Variants in RNF125 observed in about 807,000 individuals in gnomAD.
RNF125 encodes E3 ubiquitin-protein ligase RNF125.
Under a neutral mutation model 26.0 loss-of-function variants are expected in RNF125, and 21 were observed. The ratio of observed to expected loss-of-function variants is 0.81; its 90% CI spans 0.57 to 1.16. The LOEUF (loss-of-function observed/expected upper bound fraction) is 1.16. Ranked by LOEUF, RNF125 falls within the 50% of genes most tolerant of loss-of-function variation. The pLI is 0.00. For synonymous variants in RNF125, 95 were observed against 109.2 expected, an observed-to-expected ratio of 0.87 and a Z score of 0.81; for missense variants, 270 against 299.4, an observed-to-expected ratio of 0.90 and a Z score of 0.72.
rs1010437482 is a variant in RNF125, at chr18:32,070,221, A to G, written c.*1837A>G. The G allele has an allele frequency of 6.6e-6, 1 of 152,140 alleles. No homozygotes were observed. Among genetic ancestry groups the G allele is most frequent in the Admixed American group, 6.6e-5 (1 of 15,250 alleles). The allele number at this position is 152,140 out of a possible 1,614,324, so 9.4% of individuals were successfully genotyped here. A position where few individuals can be genotyped will look rare whatever the true frequency, so the allele number is the denominator to read the frequency against. On this transcript the variant is annotated 3_prime_UTR_variant, in exon 6 of 6. Transcript: ENST00000217740. ...ATGCCCGGCTAATTTTTGTATTTTTAGTAGAGGGGTTTCACCATAATGGTC... is the reference window on the plus strand; with the variant it reads ...ATGCCCGGCTAATTTTTGTATTTTTGGTAGAGGGGTTTCACCATAATGGTC...
intron 1 of RNF125, among the ~76,000 whole-genome samples, chr18:32,032,870 C>A (rs1298207278): frequency 7.2e-5 from 11 of 151,984 alleles, no homozygotes; most frequent in Non-Finnish European, 1.5e-4. Context: ...ACCAAAAAAA[C>A]CCAAAACAAA....
chr18:32,049,213 T>G (rs1457568237), intron 4 of RNF125, among the ~76,000 whole-genome samples: 1 of 152,324 alleles, frequency 6.6e-6, no homozygotes, highest in African/African-American at 2.4e-5. Flanking sequence ...TGAAGACAGC[T>G]GACCTAAGCA....
chr18:32,052,221 G>A (rs1408181523), intron 4 of RNF125, among the ~76,000 whole-genome samples: 1 of 151,974 alleles, frequency 6.6e-6, no homozygotes, highest in African/African-American at 2.4e-5. Context: ...GTGGCCGGGT[G>A]TGGTGGCTCG....
rs995611610 is a variant in RNF125, at chr18:32,050,350, C to T, written c.504+4618C>T. On this transcript the variant is annotated intron_variant, in intron 4 of 5. Transcript: ENST00000217740. The stretch of plus-strand genomic sequence containing the variant: ...TTTTTAAAATTTGGAGACAGGGTCT[C>T]GCTCTGTCACCCAGGCCGGACCGCA... Among the ~76,000 whole-genome samples, 24 of 152,246 alleles carry T rather than the reference C, an allele frequency of 1.6e-4. No individual in the cohort carries two copies. In the East Asian group the frequency reaches 3.5e-3, roughly 22 times the overall value.
At chr18:32,037,620 C>T (rs760920711) in intron 2 of RNF125, among the ~76,000 whole-genome samples, 2 of 152,044 alleles carry the variant, frequency 1.3e-5, no homozygotes, top group Admixed American at 6.6e-5. Flanking sequence ...TACCCGCCTG[C>T]CTCGGCCTCC....
At chr18:32,053,517 C>T (rs2039348994) in intron 4 of RNF125, among the ~76,000 whole-genome samples, 1 of 152,126 alleles carries the variant, frequency 6.6e-6, no homozygotes, top group African/African-American at 2.4e-5. Context: ...GTGGCTCACA[C>T]CTGTAATCCC....
intron 1 of RNF125, among the ~76,000 whole-genome samples, chr18:32,033,983 AG>A (rs1183669705): frequency 1.3e-5 from 2 of 151,684 alleles, no homozygotes; most frequent in Admixed American, 1.3e-4. Flanking sequence ...AAAAAAAAAA[AG>A]AAAACCAAAT....
chr18:32,077,334 ATT>A (rs552701343), downstream of RNF125, among the ~76,000 whole-genome samples: 38 of 107,854 alleles, frequency 3.5e-4, no homozygotes, highest in African/African-American at 7.6e-4. Context: ...CCCTCTCCCC[ATT>A]TTTTTTTTTT....
At chr18:32,055,653 C>G (rs998172242) in intron 4 of RNF125, among the ~76,000 whole-genome samples, 1 of 152,150 alleles carries the variant, frequency 6.6e-6, no homozygotes, top group African/African-American at 2.4e-5. Context: ...CACCTGGTCT[C>G]TCCCTTGACA....
chr18:32,068,206 C>A, intron 5 of RNF125, 92 bp from the exon 6 acceptor site: 1 of 677,736 alleles, frequency 1.5e-6, no homozygotes. Context: ...CTTTAGTTCC[C>A]TACAAAATGA....
chr18:32,053,556 T>A (rs1276381642), intron 4 of RNF125, among the ~76,000 whole-genome samples: 2 of 151,740 alleles, frequency 1.3e-5, no homozygotes, highest in Non-Finnish European at 2.9e-5. Flanking sequence ...AGCAGGCAGA[T>A]CACTTGTGGT....
At chr18:32,046,238 GAGAA>G (rs1202505976) in intron 4 of RNF125, among the ~76,000 whole-genome samples, 3 of 117,928 alleles carry the variant, frequency 2.5e-5, no homozygotes, top group South Asian at 2.7e-4. Context: ...AAAAAAAAAA[GAGAA>G]AGAGAGATCT....
intron 1 of RNF125, among the ~76,000 whole-genome samples, chr18:32,033,080 G>C (rs1390023141): frequency 6.6e-6 from 1 of 152,162 alleles, no homozygotes; most frequent in Non-Finnish European, 1.5e-5. Flanking sequence ...CCATCTCAGT[G>C]GCATCACTGG....
chr18:32,068,563 C>G lies in RNF125; in HGVS notation c.*179C>G, dbSNP rs771449191. The G allele has an allele frequency of 4.0e-5, 20 of 505,750 alleles. No individual in the cohort carries two copies. Among genetic ancestry groups the G allele is most frequent in the Non-Finnish European group, 5.3e-5 (15 of 282,136 alleles). 31.3% of individuals were successfully genotyped at this position (505,750 alleles called of 1,614,324 possible). A position where few individuals can be genotyped will look rare whatever the true frequency, so the allele number is the denominator to read the frequency against. Reference sequence around the variant, plus strand: ...CTGCTTTAATTTTAATGGTTTAAATCTGTTTTACATCCTTGAGATTCTTAC... The same window carrying G: ...CTGCTTTAATTTTAATGGTTTAAATGTGTTTTACATCCTTGAGATTCTTAC... On this transcript the variant is annotated 3_prime_UTR_variant, in exon 6 of 6. Coordinates refer to ENST00000217740, the MANE Select transcript of RNF125 (RefSeq NM_017831.4).
intron 3 of RNF125, 36 bp downstream of exon 3, chr18:32,042,309 T>C: frequency 7.8e-7 from 1 of 1,280,190 alleles, no homozygotes; most frequent in East Asian, 2.4e-5. Context: ...ATGCTAAAAT[T>C]GATAATGTTT....
chr18:32,034,209 C>T (rs1223729830), intron 1 of RNF125, among the ~76,000 whole-genome samples: 1 of 152,118 alleles, frequency 6.6e-6, no homozygotes, highest in Non-Finnish European at 1.5e-5. Flanking sequence ...CCTTCTCTCC[C>T]TTCTTTGCAA....
At chr18:32,064,858 T>A (rs2039469748) in intron 4 of RNF125, among the ~76,000 whole-genome samples, 1 of 152,146 alleles carries the variant, frequency 6.6e-6, no homozygotes, top group African/African-American at 2.4e-5. Context: ...GTAATTGCCA[T>A]TTCTGGTCAT....
chr18:32,053,370 A>C (rs1466433878), intron 4 of RNF125, among the ~76,000 whole-genome samples: 1 of 152,070 alleles, frequency 6.6e-6, no homozygotes, highest in Admixed American at 6.5e-5. Context: ...CTCAAACAAA[A>C]AAAAAAAGAA....
Position 32,019,029 on chromosome 18 carries a change from T to G in RNF125, c.164+2T>G, listed in dbSNP as rs1300924269. On this transcript the variant is annotated splice_donor_variant, in intron 1 of 5. Coordinates refer to ENST00000217740, the MANE Select transcript of RNF125 (RefSeq NM_017831.4). LOFTEE classifies it high-confidence loss of function. Reference sequence around the variant, plus strand: ...TGTCCGGACCCGCTGTGGCCACGTGTAAGTTCCAGGGGAGCTCGGTTTGCG... The same window carrying G: ...TGTCCGGACCCGCTGTGGCCACGTGGAAGTTCCAGGGGAGCTCGGTTTGCG... The G allele has an allele frequency of 6.2e-7, 1 of 1,612,046 alleles. No homozygotes were observed. Among genetic ancestry groups the G allele is most frequent in the Non-Finnish European group, 8.5e-7 (1 of 1,179,172 alleles).
Sources: allele counts gnomAD v4.1 joint callset (sites outside exome capture counted in the v4.1 genomes callset), GRCh38; gene constraint gnomAD v4.1.1; transcripts MANE v1.5; gene names NCBI Gene and HGNC (gene_info 2026-07-23, HGNC 2026-07-21).